SLC41A3: variants seen among roughly 807,000 people sequenced by gnomAD.
SLC41A3 encodes the protein solute carrier family 41 member 3.
In SLC41A3, 44 loss-of-function variants were observed where a neutral mutation model predicts 45.4. The ratio of observed to expected loss-of-function variants is 0.97; its 90% CI spans 0.76 to 1.25. The LOEUF (loss-of-function observed/expected upper bound fraction) is 1.25. Among genes scored for constraint, SLC41A3 ranks in the 50% most tolerant of loss-of-function variants. The probability of loss-of-function intolerance (pLI) is 0.00; values close to 1 mark genes in which losing one functional copy is unlikely to be tolerated. For missense variants in SLC41A3, 550 were observed against 600.6 expected, an observed-to-expected ratio of 0.92 and a Z score of 0.88; for synonymous variants, 256 against 252.4, an observed-to-expected ratio of 1.01 and a Z score of -0.13.
chr3:126,031,068 C>A (rs909082066), intron 4 of SLC41A3, among the ~76,000 whole-genome samples: 1 of 152,154 alleles, frequency 6.6e-6, no homozygotes, highest in Non-Finnish European at 1.5e-5. Flanking sequence ...GTACAAGTCA[C>A]AGAATTATGT....
At chr3:126,053,530 T>C (rs1010756906) in intron 2 of SLC41A3, among the ~76,000 whole-genome samples, 1 of 152,226 alleles carries the variant, frequency 6.6e-6, no homozygotes, top group African/African-American at 2.4e-5. Flanking sequence ...CTGTCCTATC[T>C]CTAGACTTCT....
At chr3:126,081,781 G>A (rs1559892671) in intron 1 of SLC41A3, among the ~76,000 whole-genome samples, 1 of 152,202 alleles carries the variant, frequency 6.6e-6, no homozygotes, top group South Asian at 2.1e-4. Flanking sequence ...GACCACTCCA[G>A]GCCACACATC....
chr3:126,080,695 A>T (rs1166066901), intron 1 of SLC41A3, among the ~76,000 whole-genome samples: 1 of 152,240 alleles, frequency 6.6e-6, no homozygotes, highest in African/African-American at 2.4e-5. Flanking sequence ...TCAAGCCTGT[A>T]ATCCCAGCAC....
At chr3:126,048,638 A>G (rs1943119797) in intron 3 of SLC41A3, among the ~76,000 whole-genome samples, 1 of 152,202 alleles carries the variant, frequency 6.6e-6, no homozygotes, top group African/African-American at 2.4e-5. Context: ...AACATAAATA[A>G]AATATTCTTC....
intron 1 of SLC41A3, among the ~76,000 whole-genome samples, chr3:126,070,715 C>A (rs566635963): frequency 2.6e-5 from 4 of 152,136 alleles, no homozygotes; most frequent in Non-Finnish European, 5.9e-5. Flanking sequence ...TCGTCCCCAG[C>A]ACACCTGCCC....
chr3:126,064,883 A>T (rs186014341), intron 2 of SLC41A3, among the ~76,000 whole-genome samples: 9 of 152,306 alleles, frequency 5.9e-5, no homozygotes, highest in Admixed American at 5.2e-4. Context: ...AATTTCAGAA[A>T]GATTAACTTG....
At chr3:126,052,299 T>C (rs1943383121) in intron 2 of SLC41A3, among the ~76,000 whole-genome samples, 1 of 152,020 alleles carries the variant, frequency 6.6e-6, no homozygotes, top group Non-Finnish European at 1.5e-5. Flanking sequence ...GCCTCCGTCC[T>C]CAGCAGGGGA....
chr3:126,083,181 C>T (rs1229160904), intron 1 of SLC41A3, among the ~76,000 whole-genome samples: 1 of 152,172 alleles, frequency 6.6e-6, no homozygotes, highest in African/African-American at 2.4e-5. Context: ...GTCAGAACCA[C>T]GAGGAGGACC....
intron 3 of SLC41A3, among the ~76,000 whole-genome samples, chr3:126,042,914 T>C (rs994705888): frequency 6.6e-6 from 1 of 151,154 alleles, no homozygotes; most frequent in Non-Finnish European, 1.5e-5. Context: ...TACAGAACAC[T>C]CAATTGTAAT....
chr3:126,077,870 G>A (rs1276907807), intron 1 of SLC41A3, among the ~76,000 whole-genome samples: 1 of 152,222 alleles, frequency 6.6e-6, no homozygotes, highest in African/African-American at 2.4e-5. Flanking sequence ...CCGCCGGCCT[G>A]GGCGACTGTG....
rs11543282 is a variant in SLC41A3, at chr3:126,026,416, G to C, written c.517C>G (p.Arg173Gly). 3.1e-6 allele frequency: 5 copies of C among 1,596,588 alleles called. No individual in the cohort carries two copies. Among genetic ancestry groups the C allele is most frequent in the Non-Finnish European group, 4.3e-6 (5 of 1,171,312 alleles). ...ACCTTGGCGACATCCACTTCCTCTC[G>C]AGACACCACGCCCAACAGCAGCGCA... ...VAALLLGVVS[R>G]EEVDVAKVEL... Residue 173 changes from arginine to glycine, a missense_variant, in exon 5 of 11, where the codon CGA (arginine) becomes GGA (glycine). Coordinates refer to ENST00000360370, the MANE Select transcript of SLC41A3 (RefSeq NM_017836.4). This position sits in a 1 kb window ranked among gnomAD's most constrained non-coding sequence, Gnocchi z 4.2.
chr3:126,075,955 C>G (rs1324817735), intron 1 of SLC41A3, among the ~76,000 whole-genome samples: 1 of 152,068 alleles, frequency 6.6e-6, no homozygotes, highest in African/African-American at 2.4e-5. Context: ...ATCTGAAGTA[C>G]AAGCAACCAA....
chr3:126,044,820 C>T (rs1384647174), intron 3 of SLC41A3, among the ~76,000 whole-genome samples: 2 of 142,386 alleles, frequency 1.4e-5, no homozygotes, highest in African/African-American at 5.3e-5. Flanking sequence ...GGCGTGAACC[C>T]GGGAGGCGGA....
At chr3:126,030,703 G>C (rs976435550) in intron 4 of SLC41A3, among the ~76,000 whole-genome samples, 1 of 152,194 alleles carries the variant, frequency 6.6e-6, no homozygotes, top group Non-Finnish European at 1.5e-5. Flanking sequence ...AAATGGATGA[G>C]TAGACAGGTA....
chr3:126,061,041 C>T lies in SLC41A3; in HGVS notation c.273+6906G>A, dbSNP rs1486655323. Among the ~76,000 whole-genome samples, 6 of 152,344 alleles carry T rather than the reference C, an allele frequency of 3.9e-5. No homozygotes were observed. In the East Asian group the frequency reaches 5.8e-4, roughly 15 times the overall value. The stretch of plus-strand genomic sequence containing the variant: ...GGGTGTGTTTTTAGGGGAGGGTCCA[C>T]AGAGTGTGGGCAGGGGCTCTGGAGT... On this transcript the variant is annotated intron_variant, in intron 2 of 10. Coordinates refer to ENST00000360370, the MANE Select transcript of SLC41A3 (RefSeq NM_017836.4).
At chr3:126,092,097 C>T (rs1945498943) in intron 1 of SLC41A3, among the ~76,000 whole-genome samples, 4 of 152,202 alleles carry the variant, frequency 2.6e-5, no homozygotes, top group Admixed American at 2.6e-4. Flanking sequence ...ACTGGTCCTG[C>T]TGGGAACAGG....
chr3:126,096,714 ATGCTAATGACTGGCT>A (rs1461596820), intron 1 of SLC41A3, among the ~76,000 whole-genome samples: 1 of 152,248 alleles, frequency 6.6e-6, no homozygotes, highest in African/African-American at 2.4e-5. Context: ...TATAGAAACA[ATGCTAATGACTGGCT>A]TGCTGTTAAT....
chr3:126,056,287 C>T, intron 2 of SLC41A3: 1 of 1,558,352 alleles, frequency 6.4e-7, no homozygotes, highest in Non-Finnish European at 8.7e-7. Context: ...TCCAGCCTGC[C>T]CTGTCTGTGG....
chr3:126,095,134 TG>T, intron 1 of SLC41A3: 1 of 595,436 alleles, frequency 1.7e-6, no homozygotes, highest in East Asian at 3.0e-5. Flanking sequence ...AACAAAAAAT[TG>T]GGAAATAGGT....
Sources: gnomAD v4.1 joint callset for allele counts (sites outside exome capture counted in the v4.1 genomes callset) on GRCh38, gnomAD v4.1.1 for gene constraint, Gnocchi (gnomAD v3.1) non-coding constraint, MANE v1.5 for transcripts, NCBI Gene and HGNC (gene_info 2026-07-23, HGNC 2026-07-21) for gene names.